Variants in ESYT2 observed in about 807,000 individuals in gnomAD.
ESYT2 encodes the protein extended synaptotagmin-2.
In ESYT2, 54 loss-of-function variants were observed where a neutral mutation model predicts 107.2. The ratio of observed to expected loss-of-function variants is 0.50; its 90% CI spans 0.40 to 0.63. The LOEUF is 0.63. ESYT2 is among the 30% of genes least tolerant of loss of function. The pLI is 0.00. For missense variants in ESYT2, 1,020 were observed against 1,094.5 expected (o/e 0.93, Z 0.96); for synonymous variants, 491 against 434.1 (o/e 1.13, Z -1.63).
chr7:158,737,785 CTA>C (rs1463184393), intron 19 of ESYT2, among the ~76,000 whole-genome samples: 19 of 152,112 alleles, frequency 1.2e-4, no homozygotes, highest in Non-Finnish European at 1.9e-4. Context: ...TTTTATTTTC[CTA>C]TGTTTCCAAC....
intron 3 of ESYT2, among the ~76,000 whole-genome samples, chr7:158,795,406 C>G (rs1338293217): frequency 6.6e-6 from 1 of 152,208 alleles, no homozygotes; most frequent in East Asian, 1.9e-4. Flanking sequence ...CTAAAATAAA[C>G]CCAGCTGAGA....
At chr7:158,812,636 G>A (rs544682587) in intron 1 of ESYT2, among the ~76,000 whole-genome samples, 6 of 152,294 alleles carry the variant, frequency 3.9e-5, no homozygotes, top group East Asian at 3.8e-4. Context: ...AAACAAAAAC[G>A]TGTACATGAA....
chr7:158,737,182 T>TAC lies in ESYT2; in HGVS notation c.2268-5_2268-4dup, dbSNP rs749647863. 10 of 1,613,372 alleles carry TAC rather than the reference T, an allele frequency of 6.2e-6. No homozygotes were observed. In the East Asian group the frequency reaches 2.2e-4, roughly 36 times the overall value. The stretch of plus-strand genomic sequence containing the variant: ...CTTCAGAGAAGGCAATGAGGTTTCT[T>TAC]ACAACACAAACCAGATAAGACGAGG... On this transcript the variant is annotated splice_polypyrimidine_tract_variant and splice_region_variant and intron_variant, in intron 19 of 22. Coordinates refer to ENST00000275418, the MANE Select transcript of ESYT2 (RefSeq NM_001367773.1).
chr7:158,794,480 T>C (rs1274571300), intron 3 of ESYT2, among the ~76,000 whole-genome samples: 1 of 152,036 alleles, frequency 6.6e-6, no homozygotes, highest in Admixed American at 6.6e-5. Context: ...GGCAACAGAG[T>C]GAACCCCCAT....
chr7:158,778,692 C>T (rs1838656367), intron 6 of ESYT2, among the ~76,000 whole-genome samples: 1 of 152,202 alleles, frequency 6.6e-6, no homozygotes, highest in Non-Finnish European at 1.5e-5. Flanking sequence ...ACTGACTCAT[C>T]AGCCTTTTGC....
intron 16 of ESYT2, 133 bp downstream of exon 16, chr7:158,748,061 G>C (rs140590389): frequency 3.9e-6 from 3 of 764,280 alleles, no homozygotes; most frequent in Non-Finnish European, 4.3e-6. Flanking sequence ...CCGGGTTACA[G>C]AGAGATCTAC....
At chr7:158,734,320 G>C in intron 22 of ESYT2, 68 bp from the exon 23 acceptor site, 7 of 1,612,196 alleles carry the variant, frequency 4.3e-6, no homozygotes, top group Non-Finnish European at 5.9e-6. Context: ...TATCAGATAC[G>C]TGTCGGGTTC....
rs202087832 is a variant in ESYT2 at position 158,829,192 on chromosome 7, C to A, written c.227G>T (p.Ser76Ile). The change falls in exon 1 of 23, where the codon AGC (serine) becomes ATC (isoleucine). Residue 76 changes from serine (S) to isoleucine (I), a missense_variant. Coordinates refer to ENST00000275418, the MANE Select transcript of ESYT2 (RefSeq NM_001367773.1). ...ALALLAWCRRSRGLKALRLCR... is the reference protein window; with the variant it reads ...ALALLAWCRRIRGLKALRLCR... Reference sequence around the variant, plus strand: ...CAGGCGCAGGGCCTTGAGGCCGCGGCTGCGGCGACACCAGGCGAGCAGCGC... The same window carrying A: ...CAGGCGCAGGGCCTTGAGGCCGCGGATGCGGCGACACCAGGCGAGCAGCGC... The A allele has an allele frequency of 3.1e-4, 482 of 1,534,524 alleles. No homozygotes were observed. In the African/African-American group the frequency reaches 5.5e-3, roughly 17 times the overall value.
chr7:158,781,737 G>A (rs927785383), intron 6 of ESYT2, among the ~76,000 whole-genome samples: 5 of 151,334 alleles, frequency 3.3e-5, no homozygotes, highest in Admixed American at 6.6e-5. Flanking sequence ...GTGAGTGAAC[G>A]AGTGAGAACA....
intron 1 of ESYT2, among the ~76,000 whole-genome samples, chr7:158,808,577 C>T (rs1839901194): frequency 6.6e-6 from 1 of 152,228 alleles, no homozygotes; most frequent in Admixed American, 6.5e-5. Flanking sequence ...AATCTTCCAT[C>T]TGTGAAACTG....
chr7:158,803,202 A>G (rs1160532322), intron 1 of ESYT2, among the ~76,000 whole-genome samples: 2 of 152,232 alleles, frequency 1.3e-5, no homozygotes, highest in African/African-American at 4.8e-5. Context: ...TCACCCATTT[A>G]CTGGCCATCT....
At chr7:158,748,063 G>A in intron 16 of ESYT2, 131 bp downstream of exon 16, 1 of 773,066 alleles carries the variant, frequency 1.3e-6, no homozygotes, top group South Asian at 1.8e-5. Flanking sequence ...GGGTTACAGA[G>A]AGATCTACCA....
chr7:158,753,106 C>T (rs1012313504), intron 13 of ESYT2, among the ~76,000 whole-genome samples: 4 of 152,248 alleles, frequency 2.6e-5, no homozygotes, highest in African/African-American at 9.6e-5. Context: ...TACCCCCACC[C>T]TCTTGATCCC....
At position 158,743,515 on chromosome 7, in the gene ESYT2, G is replaced by A; in HGVS notation, c.1794+14C>T. On this transcript the variant is annotated intron_variant, in intron 17 of 22. Transcript: ENST00000275418. ...CCCATCCCCTATGGTGTTCACTGCA[G>A]GACGACACGATACCCGCAGGGCAAT... The A allele has an allele frequency of 6.2e-7, 1 of 1,605,976 alleles. No individual in the cohort carries two copies. The highest frequency in any genetic ancestry group is 8.5e-7 in the Non-Finnish European group (1 of 1,177,328).
chr7:158,739,792 A>AC (rs112298622), intron 18 of ESYT2, among the ~76,000 whole-genome samples: 35 of 139,272 alleles, frequency 2.5e-4, no homozygotes, highest in Admixed American at 3.5e-4. Context: ...GGTTATTTAT[A>AC]CCCCCCCCTT....
intron 8 of ESYT2, among the ~76,000 whole-genome samples, chr7:158,767,118 G>C (rs1445352847): frequency 2.0e-5 from 3 of 152,210 alleles, no homozygotes; most frequent in Non-Finnish European, 4.4e-5. Flanking sequence ...CTAAACTCAA[G>C]AGCTGCGACA....
chr7:158,781,663 A>T (rs550137327), intron 6 of ESYT2, among the ~76,000 whole-genome samples: 1 of 152,148 alleles, frequency 6.6e-6, no homozygotes, highest in South Asian at 2.1e-4. Flanking sequence ...ACAAGTGAGA[A>T]CAAGTGTGAG....
chr7:158,757,558 A>G (rs1037054171), intron 13 of ESYT2, among the ~76,000 whole-genome samples: 4 of 150,826 alleles, frequency 2.7e-5, no homozygotes, highest in African/African-American at 9.8e-5. Context: ...GACGCCCCTT[A>G]ATCCAGCGCC....
intron 1 of ESYT2, among the ~76,000 whole-genome samples, chr7:158,823,329 G>C (rs1279244747): frequency 7.1e-6 from 1 of 141,418 alleles, no homozygotes; most frequent in African/African-American, 2.6e-5. Context: ...AAAGACATTG[G>C]ATTTTTTTTT....
Sources: gnomAD v4.1 joint callset for allele counts (sites outside exome capture counted in the v4.1 genomes callset) on GRCh38, gnomAD v4.1.1 for gene constraint, MANE v1.5 for transcripts, NCBI Gene and HGNC (gene_info 2026-07-23, HGNC 2026-07-21) for gene names.